The following RALYL variants were observed in gnomAD, a reference collection of about 807,000 sequenced individuals.
RALYL encodes RNA-binding Raly-like protein.
RALYL carries 29 observed loss-of-function variants against 35.1 expected under a neutral mutation model. That is an observed-to-expected ratio of 0.83 (90% CI 0.61 to 1.13). RALYL has a LOEUF of 1.13. Ranked by LOEUF, RALYL falls within the 50% of genes most tolerant of loss-of-function variation. The pLI is 0.00. For missense variants in RALYL, 359 were observed against 360.4 expected, an observed-to-expected ratio of 1.00 and a Z score of 0.03; for synonymous variants, 120 against 127.6, an observed-to-expected ratio of 0.94 and a Z score of 0.40.
intron 1 of RALYL, among the ~76,000 whole-genome samples, chr8:84,385,055 C>A (rs546073559): frequency 6.6e-6 from 1 of 151,730 alleles, no homozygotes; most frequent in East Asian, 1.9e-4. Flanking sequence ...CTTCCACCCC[C>A]ACAAAGTCCA....
intron 1 of RALYL, among the ~76,000 whole-genome samples, chr8:84,367,867 C>T (rs1168302017): frequency 6.6e-6 from 1 of 152,106 alleles, no homozygotes; most frequent in Non-Finnish European, 1.5e-5. Flanking sequence ...TTTTAAAAAG[C>T]TATATCCCAT....
chr8:84,780,659 A>G (rs74665592), intron 3 of RALYL, among the ~76,000 whole-genome samples: 1,534 of 152,322 alleles, frequency 0.01, 26 homozygotes, highest in African/African-American at 0.034. Context: ...GAGCATTATC[A>G]GTGCTTTGAA....
chr8:84,361,540 A>G (rs773362927), intron 1 of RALYL, among the ~76,000 whole-genome samples: 3 of 152,230 alleles, frequency 2.0e-5, no homozygotes, highest in Non-Finnish European at 2.9e-5. Flanking sequence ...TTTACATCAA[A>G]GAAGAAATCC....
At chr8:84,257,902 G>A (rs937550542) in intron 1 of RALYL, among the ~76,000 whole-genome samples, 1 of 152,130 alleles carries the variant, frequency 6.6e-6, no homozygotes, top group Non-Finnish European at 1.5e-5. Context: ...GTCATTTCTA[G>A]ATGAGACTAT....
intron 2 of RALYL, among the ~76,000 whole-genome samples, chr8:84,536,276 C>T (rs776461744): frequency 1.4e-4 from 21 of 152,132 alleles, no homozygotes; most frequent in Non-Finnish European, 4.4e-5. Flanking sequence ...GTGAAAAATA[C>T]GGAGTACCAA....
intron 1 of RALYL, among the ~76,000 whole-genome samples, chr8:84,253,853 A>G (rs1287899469): frequency 6.6e-6 from 1 of 152,110 alleles, no homozygotes; most frequent in Non-Finnish European, 1.5e-5. Context: ...TCATTGCTTC[A>G]TCCTTGCCTA....
intron 2 of RALYL, among the ~76,000 whole-genome samples, chr8:84,748,352 T>C (rs907811309): frequency 2.0e-5 from 3 of 152,000 alleles, no homozygotes; most frequent in Non-Finnish European, 2.9e-5. Flanking sequence ...ATTTGGATAA[T>C]ATGGATGAAA....
intron 1 of RALYL, among the ~76,000 whole-genome samples, chr8:84,296,366 A>G (rs1839744605): frequency 6.6e-6 from 1 of 152,110 alleles, no homozygotes; most frequent in African/African-American, 2.4e-5. Flanking sequence ...GTTCCCAAGA[A>G]ACCAGAAAAT....
rs145854167 is a variant in RALYL at position 84,894,686 on chromosome 8, G to A, written c.858+6910G>A. Among the ~76,000 whole-genome samples, 1,471 of 152,248 alleles carry A rather than the reference G, an allele frequency of 9.7e-3. 18 individuals are homozygous for A. The highest frequency in any genetic ancestry group is 0.034 in the Middle Eastern group (10 of 294). On this transcript the variant is annotated intron_variant, in intron 8 of 8. Transcript: ENST00000521268. ...ATGTGAGAGAAAGTGTAATAAGCAGGTATCTCTGCTTCCAGCTTTCCACCT... is the reference window on the plus strand; with the variant it reads ...ATGTGAGAGAAAGTGTAATAAGCAGATATCTCTGCTTCCAGCTTTCCACCT...
intron 3 of RALYL, among the ~76,000 whole-genome samples, chr8:84,802,973 A>AAG (rs1236006851): frequency 6.6e-6 from 1 of 152,204 alleles, no homozygotes; most frequent in Non-Finnish European, 1.5e-5. Flanking sequence ...AGGCTGAAAA[A>AAG]AGAGAGAGGA....
chr8:84,490,995 A>G (rs13280785), intron 1 of RALYL, among the ~76,000 whole-genome samples: 53,024 of 151,758 alleles, frequency 0.35, 9,576 homozygotes, highest in South Asian at 0.52. Flanking sequence ...GAAGACCCCT[A>G]TGAAGAAAGT....
intron 8 of RALYL, among the ~76,000 whole-genome samples, chr8:84,889,970 T>C (rs988818025): frequency 6.6e-6 from 1 of 152,176 alleles, no homozygotes; most frequent in Admixed American, 6.6e-5. Context: ...TCTAAACTGG[T>C]TTTCTTGCTT....
chr8:84,229,360 A>T (rs1686535239), intron 1 of RALYL, among the ~76,000 whole-genome samples: 1 of 152,218 alleles, frequency 6.6e-6, no homozygotes, highest in African/African-American at 2.4e-5. Flanking sequence ...AGTCTTGAGA[A>T]ATAAGCAATA....
At chr8:84,903,578 T>C (rs1846040221) in intron 8 of RALYL, among the ~76,000 whole-genome samples, 1 of 152,084 alleles carries the variant, frequency 6.6e-6, no homozygotes, top group East Asian at 1.9e-4. Flanking sequence ...GCCCAGGAGG[T>C]AACTCCCATT....
At position 84,862,377 on chromosome 8, in the gene RALYL, G is replaced by A. The variant is rs772086303; in HGVS notation, c.495G>A (p.Thr165=). ...AGCGTCCCAGAGTGGCAGTCACAAC[G>A]ACTCGCAGGGGGAAAGGAGTCTTTT... ...PLKRPRVAVT[T]TRRGKGVFSM... The change falls in exon 6 of 9, where the codon ACG becomes ACA. Residue 165 remains threonine (T), a synonymous_variant. Coordinates refer to ENST00000521268, the MANE Select transcript of RALYL (RefSeq NM_173848.7). 20 of 1,607,180 alleles carry A rather than the reference G, an allele frequency of 1.2e-5. No homozygotes were observed. Among genetic ancestry groups the A allele is most frequent in the Non-Finnish European group, 1.5e-5 (18 of 1,177,200 alleles).
intron 1 of RALYL, among the ~76,000 whole-genome samples, chr8:84,401,632 T>A (rs1463355540): frequency 2.8e-5 from 3 of 108,692 alleles, no homozygotes; most frequent in African/African-American, 1.2e-4. Context: ...AGCTAGACTC[T>A]GTCTCAAAAA....
intron 2 of RALYL, among the ~76,000 whole-genome samples, chr8:84,694,426 G>A (rs1464817612): frequency 6.6e-6 from 1 of 151,860 alleles, no homozygotes; most frequent in African/African-American, 2.4e-5. Flanking sequence ...CCTGTATAAT[G>A]AGAACTATAC....
intron 2 of RALYL, among the ~76,000 whole-genome samples, chr8:84,764,311 C>T (rs530179541): frequency 3.3e-5 from 5 of 152,238 alleles, no homozygotes; most frequent in East Asian, 1.9e-4. Context: ...TTTACCCAAA[C>T]TTTAGCATGG....
At chr8:84,723,208 A>T (rs2132673153) in intron 2 of RALYL, among the ~76,000 whole-genome samples, 1 of 152,100 alleles carries the variant, frequency 6.6e-6, no homozygotes, top group Non-Finnish European at 1.5e-5. Flanking sequence ...TGTTTTATTG[A>T]GGAAGGCTTA....
Sources: gnomAD v4.1 joint callset for allele counts (sites outside exome capture counted in the v4.1 genomes callset) on GRCh38, gnomAD v4.1.1 for gene constraint, MANE v1.5 for transcripts, NCBI Gene and HGNC (gene_info 2026-07-23, HGNC 2026-07-21) for gene names.